The following LARP4 variants were observed in gnomAD, a reference collection of about 807,000 sequenced individuals.
LARP4 encodes the protein La ribonucleoprotein 4.
In LARP4, 29 loss-of-function variants were observed where a neutral mutation model predicts 92.9. The observed-to-expected ratio is 0.31, with a 90% CI of 0.23 to 0.43. The LOEUF (loss-of-function observed/expected upper bound fraction) is 0.43. LARP4 is among the 20% of genes least tolerant of loss of function. LARP4 has a pLI of 1.00. For synonymous variants in LARP4, 279 were observed against 284.1 expected (o/e 0.98, Z 0.18); for missense variants, 732 against 860.0 (o/e 0.85, Z 1.86).
chr12:50,454,568 T>C (rs923061068), intron 10 of LARP4, 151 bp downstream of exon 10: 1 of 498,006 alleles, frequency 2.0e-6, no homozygotes, highest in African/African-American at 2.0e-5. Context: ...AACAGTTTAA[T>C]CTAGAATTCG....
intron 1 of LARP4, among the ~76,000 whole-genome samples, chr12:50,407,112 G>T (rs143103531): frequency 6.6e-6 from 1 of 151,834 alleles, no homozygotes; most frequent in Non-Finnish European, 1.5e-5. Flanking sequence ...TGCAACCTCC[G>T]CCTCCTGGGT....
chr12:50,437,652 A>G (rs1950632306), intron 5 of LARP4, 83 bp from the exon 6 acceptor site: 1 of 748,818 alleles, frequency 1.3e-6, no homozygotes, highest in African/African-American at 1.8e-5. Flanking sequence ...TCAGTTGGAA[A>G]TTAAAATGAA....
In LARP4 at chr12:50,454,369, A is replaced by C; in HGVS notation, c.1073A>C (p.Lys358Thr). Residue 358 changes from lysine (K) to threonine (T), a missense_variant, in exon 10 of 16, where the codon AAA (lysine) becomes ACA (threonine). Physicochemically the swap from Lys to Thr is moderately conservative, Grantham distance 78. Transcript: ENST00000398473. ...VNGFNSPGSY[K>T]TNAAAMNMGR... The stretch of plus-strand genomic sequence containing the variant: ...GGCTTTAATTCGCCAGGATCTTATA[A>C]AACAAATGCTGCTGCTATGAATATG... 6.2e-7 allele frequency: 1 copy of C among 1,613,780 alleles called. No homozygotes were observed. The highest frequency in any genetic ancestry group is 8.5e-7 in the Non-Finnish European group (1 of 1,179,918).
intron 1 of LARP4, chr12:50,416,491 C>A (rs1041285780): frequency 1.3e-5 from 2 of 152,128 alleles, no homozygotes; most frequent in Non-Finnish European, 1.5e-5. Flanking sequence ...CATGGTGAAA[C>A]CCCGTCTGTA....
At chr12:50,474,212 T>G in intron 15 of LARP4, 45 bp downstream of exon 15, 3 of 1,468,344 alleles carry the variant, frequency 2.0e-6, no homozygotes, top group Non-Finnish European at 2.8e-6. Context: ...TACAATAGAT[T>G]AGATTTTTTT....
intron 8 of LARP4, among the ~76,000 whole-genome samples, chr12:50,446,041 C>T (rs1951976516): frequency 1.5e-5 from 2 of 130,930 alleles, no homozygotes; most frequent in South Asian, 2.5e-4. Flanking sequence ...CTCGCTCTGT[C>T]GCCCAGGCTG....
At chr12:50,466,874 CT>C in intron 12 of LARP4, 84 bp from the exon 13 acceptor site, 1 of 1,327,860 alleles carries the variant, frequency 7.5e-7, no homozygotes, top group Non-Finnish European at 1.0e-6. Context: ...GCTTCTTTTT[CT>C]TTTCTTGCAC....
chr12:50,420,472 C>T (rs757408265), intron 1 of LARP4, among the ~76,000 whole-genome samples: 24 of 152,074 alleles, frequency 1.6e-4, no homozygotes, highest in Non-Finnish European at 3.1e-4. Context: ...AATTGATGAA[C>T]GATTTCAGGG....
chr12:50,461,552 T>A (rs538609902), intron 11 of LARP4: 4 of 534,394 alleles, frequency 7.5e-6, no homozygotes, highest in Non-Finnish European at 1.3e-5. Context: ...TAGCTCTGAA[T>A]CAGAGGTTTA....
intron 1 of LARP4, chr12:50,421,294 C>T: frequency 1.0e-6 from 1 of 984,428 alleles, no homozygotes; most frequent in Non-Finnish European, 1.2e-6. Flanking sequence ...AAAATCAGTA[C>T]TAGATGCAAT....
chr12:50,437,791 C>T lies in LARP4; in HGVS notation c.592C>T (p.Arg198Cys), dbSNP rs1950652208. The T allele has an allele frequency of 1.2e-6, 2 of 1,611,018 alleles. No homozygotes were observed. The highest frequency in any genetic ancestry group is 1.3e-5 in the African/African-American group (1 of 74,848). ...TGAGAAAGTGAGACCAAGTCATAAG[C>T]GTTGTATTGTAATTCTTAGAGAGAT... is the stretch of plus-strand genomic sequence containing the variant. Reference protein sequence around the residue: ...KGEKVRPSHKRCIVILREIPE... With the variant: ...KGEKVRPSHKCCIVILREIPE... The change falls in exon 6 of 16, where the codon CGT becomes TGT. Residue 198 changes from arginine to cysteine, a missense_variant. Physicochemically the swap from Arg to Cys is radical, Grantham distance 180. Around this residue, in one of 7 missense-constraint regions of LARP4, gnomAD observed 236 missense variants for 307.6 expected, o/e 0.77. Transcript: ENST00000398473.
intron 10 of LARP4, among the ~76,000 whole-genome samples, chr12:50,460,287 C>T (rs1955137590): frequency 6.6e-6 from 1 of 152,106 alleles, no homozygotes; most frequent in Non-Finnish European, 1.5e-5. Flanking sequence ...TTTCAAAGAA[C>T]TTTGGATTTT....
At chr12:50,414,672 T>G (rs2136513468) in intron 1 of LARP4, among the ~76,000 whole-genome samples, 1 of 152,342 alleles carries the variant, frequency 6.6e-6, no homozygotes, top group South Asian at 2.1e-4. Context: ...GTGCTTATTG[T>G]TTTGCAGCGT....
chr12:50,432,899 C>T (rs1009879677), intron 4 of LARP4, among the ~76,000 whole-genome samples: 7 of 149,758 alleles, frequency 4.7e-5, no homozygotes, highest in East Asian at 1.9e-4. Flanking sequence ...AGTGTCTTAT[C>T]GGGGAGACTT....
intron 10 of LARP4, among the ~76,000 whole-genome samples, chr12:50,456,590 A>G (rs1954286281): frequency 6.6e-6 from 1 of 152,202 alleles, no homozygotes; most frequent in Non-Finnish European, 1.5e-5. Flanking sequence ...GATGATCACT[A>G]TTCCTACTTA....
At chr12:50,423,099 C>T (rs904426169) in intron 1 of LARP4, among the ~76,000 whole-genome samples, 5 of 151,964 alleles carry the variant, frequency 3.3e-5, no homozygotes, top group Admixed American at 6.6e-5. Flanking sequence ...GGATTACAGG[C>T]GTGAGCCACC....
At chr12:50,417,479 T>A (rs917461433) in intron 1 of LARP4, among the ~76,000 whole-genome samples, 14 of 152,184 alleles carry the variant, frequency 9.2e-5, no homozygotes, top group Admixed American at 9.2e-4. Flanking sequence ...TCTTCCTCCC[T>A]GAGCTAATTA....
chr12:50,455,959 C>T lies in LARP4; in HGVS notation c.1121+1542C>T, dbSNP rs114876704. On this transcript the variant is annotated intron_variant, in intron 10 of 15. Coordinates refer to ENST00000398473, the MANE Select transcript of LARP4 (RefSeq NM_052879.5). Reference sequence around the variant, plus strand: ...CCCAACTACTCAGGAGGCTGAGGAACGAGAATTGCTTGAGCCTGAGAAGCA... The same window carrying T: ...CCCAACTACTCAGGAGGCTGAGGAATGAGAATTGCTTGAGCCTGAGAAGCA... Among the ~76,000 whole-genome samples, 158 of 152,060 alleles carry T rather than the reference C, an allele frequency of 1.0e-3. 1 individual carries two copies. Among genetic ancestry groups the T allele is most frequent in the African/African-American group, 3.6e-3 (151 of 41,478 alleles).
chr12:50,427,991 CTCTT>C, intron 2 of LARP4, 82 bp downstream of exon 2: 1 of 413,460 alleles, frequency 2.4e-6, no homozygotes, highest in Non-Finnish European at 3.5e-6. Context: ...TGAGACACAT[CTCTT>C]TTTTTTTTTT....
Sources: gnomAD v4.1 joint callset for allele counts (sites outside exome capture counted in the v4.1 genomes callset) on GRCh38, gnomAD v4.1.1 for gene constraint, gnomAD v4.1.1 regional missense constraint, MANE v1.5 for transcripts, NCBI Gene and HGNC (gene_info 2026-07-23, HGNC 2026-07-21) for gene names.